TRAPPC2: variants seen among roughly 807,000 people sequenced by gnomAD.
The protein encoded by TRAPPC2 is trafficking protein particle complex subunit 2, also known as sedlin.
TRAPPC2 carries 4 observed loss-of-function variants against 10.0 expected under a neutral mutation model. That is an observed-to-expected ratio of 0.40 (90% CI 0.20 to 0.92). The LOEUF (loss-of-function observed/expected upper bound fraction) is 0.92, where lower values mean the gene tolerates loss of function less well. TRAPPC2 is among the 40% of genes least tolerant of loss of function. The pLI is 0.35. For missense variants in TRAPPC2, 52 were observed against 108.7 expected (o/e 0.48, Z 2.32); for synonymous variants, 36 against 37.3 (o/e 0.97, Z 0.12).
chrX:13,716,664 A>G lies in TRAPPC2; in HGVS notation c.108T>C (p.His36=), dbSNP rs747919707. The change falls in exon 4 of 6, where the codon CAT becomes CAC. Residue 36 remains histidine (H), a synonymous_variant. Transcript: ENST00000380579. ...GKAESKDDHR[H]LNQFIAHAAL... is the part of the protein sequence containing the mutation. ...CAGCATGAGCTATGAACTGGTTCAGATGACGATGGTCGTCCTAGATGACAG... is the reference window on the plus strand; with the variant it reads ...CAGCATGAGCTATGAACTGGTTCAGGTGACGATGGTCGTCCTAGATGACAG... 1.7e-6 allele frequency: 2 copies of G among 1,211,942 alleles called. No individual in the cohort carries two copies. Among genetic ancestry groups the G allele is most frequent in the Non-Finnish European group, 2.2e-6 (2 of 895,429 alleles).
intron 2 of TRAPPC2, among the ~76,000 whole-genome samples, chrX:13,723,642 A>C (rs1442624281): frequency 9.0e-6 from 1 of 111,721 alleles, no homozygotes; most frequent in African/African-American, 3.3e-5. Flanking sequence ...CCATCGCCTT[A>C]AATAGGGGCC....
intron 5 of TRAPPC2, chrX:13,715,531 A>G (rs1207548894): frequency 8.7e-6 from 1 of 115,183 alleles, no homozygotes; most frequent in Admixed American, 9.0e-5. Context: ...TTATTATTTT[A>G]TTTTTCAAAA....
intron 2 of TRAPPC2, among the ~76,000 whole-genome samples, chrX:13,732,519 G>C (rs1160543758): frequency 8.9e-6 from 1 of 112,888 alleles, no homozygotes. Context: ...ACTAAATGTG[G>C]TCACCAGGAA....
chrX:13,731,768 G>A (rs753591233), intron 2 of TRAPPC2, among the ~76,000 whole-genome samples: 2 of 112,255 alleles, frequency 1.8e-5, no homozygotes, highest in African/African-American at 6.5e-5. Flanking sequence ...AGGGTCTCTA[G>A]TAAGGCTTTG....
intron 2 of TRAPPC2, among the ~76,000 whole-genome samples, chrX:13,732,194 A>T (rs1255605292): frequency 8.9e-6 from 1 of 111,825 alleles, no homozygotes; most frequent in African/African-American, 3.3e-5. Flanking sequence ...GAAGGTACTC[A>T]GTTCTGGGAA....
rs1459833464 is a variant in TRAPPC2 at position 13,719,942 on chromosome X, C to T, written c.22G>A (p.Val8Ile). The change falls in exon 3 of 6, where the codon GTA becomes ATA. Residue 8 changes from valine (V) to isoleucine (I), a missense_variant. Coordinates refer to ENST00000380579, the MANE Select transcript of TRAPPC2 (RefSeq NM_001011658.4). MSGSFYF[V>I]IVGHHDNPVF... ...GGATTATCATGGTGGCCAACAATTA[C>T]AAAGTAGAAGCTCCCAGACATGGTC... 8.3e-7 allele frequency: 1 copy of T among 1,198,665 alleles called. No homozygotes were observed. Among genetic ancestry groups the T allele is most frequent in the East Asian group, 3.0e-5 (1 of 33,604 alleles).
chrX:13,723,050 G>A (rs1416934607), intron 2 of TRAPPC2, among the ~76,000 whole-genome samples: 7 of 102,184 alleles, frequency 6.9e-5, no homozygotes, highest in Non-Finnish European at 1.2e-4. Flanking sequence ...AGCCAAGATC[G>A]TGCCACTGCA....
chrX:13,720,323 G>A (rs1384932875), intron 2 of TRAPPC2: 1 of 127,646 alleles, frequency 7.8e-6, no homozygotes, highest in Non-Finnish European at 1.6e-5. Context: ...GGCTTCATTT[G>A]GACTGGACCA....
intron 2 of TRAPPC2, among the ~76,000 whole-genome samples, chrX:13,729,392 G>A (rs1215940754): frequency 1.2e-4 from 13 of 108,502 alleles, no homozygotes; most frequent in African/African-American, 2.3e-4. Flanking sequence ...TACTGGTACC[G>A]AAACAGATAT....
At chrX:13,721,309 A>G (rs185755279) in intron 2 of TRAPPC2, 17 of 112,540 alleles carry the variant, frequency 1.5e-4, no homozygotes, top group Admixed American at 1.5e-3. Context: ...CATCTGTTAA[A>G]TAGTGCTAAC....
chrX:13,724,416 AAAAGAG>A (rs1435534877), intron 2 of TRAPPC2, among the ~76,000 whole-genome samples: 19 of 109,404 alleles, frequency 1.7e-4, no homozygotes, highest in Non-Finnish European at 1.9e-4. Context: ...AAAAAAAAAA[AAAAGAG>A]GCTTTTTAGG....
intron 3 of TRAPPC2, among the ~76,000 whole-genome samples, chrX:13,717,860 G>C (rs745513925): frequency 2.7e-5 from 3 of 112,428 alleles, no homozygotes; most frequent in African/African-American, 9.7e-5. Flanking sequence ...TATGGAAAGA[G>C]GGTTGTTGCA....
chrX:13,726,452 AT>A (rs1181829514), intron 2 of TRAPPC2, among the ~76,000 whole-genome samples: 1 of 112,073 alleles, frequency 8.9e-6, no homozygotes, highest in Non-Finnish European at 1.9e-5. Context: ...GGGGGCCAAT[AT>A]TCAGCATTCT....
In TRAPPC2 at chrX:13,712,479, G is replaced by T. The variant is rs1459979437; in HGVS notation, c.*1928C>A. 5 of 112,446 alleles carry T rather than the reference G, an allele frequency of 4.4e-5. No individual in the cohort carries two copies. The highest frequency in any genetic ancestry group is 7.5e-5 in the Non-Finnish European group (4 of 53,298). The allele number at this position is 112,446 out of a possible 1,213,427, so 9.3% of individuals were successfully genotyped here. A position where few individuals can be genotyped will look rare whatever the true frequency, so the allele number is the denominator to read the frequency against. The stretch of plus-strand genomic sequence containing the variant: ...GAGACAATTCCCAGCCCCCTCTGGT[G>T]TATCACCTAAAAGACTGAATACAAA... On this transcript the variant is annotated 3_prime_UTR_variant, in exon 6 of 6. Coordinates refer to ENST00000380579, the MANE Select transcript of TRAPPC2 (RefSeq NM_001011658.4).
At position 13,719,966 on chromosome X, in the gene TRAPPC2, T is replaced by A. The variant is rs768670689; in HGVS notation, c.-3A>T. ...ACAAAGTAGAAGCTCCCAGACATGG[T>A]CTTCAATATATGGCTCCTAATTAAG... On this transcript the variant is annotated 5_prime_UTR_variant, in exon 3 of 6. Coordinates refer to ENST00000380579, the MANE Select transcript of TRAPPC2 (RefSeq NM_001011658.4). 1 of 1,174,041 alleles carries A rather than the reference T, an allele frequency of 8.5e-7. No homozygotes were observed. The highest frequency in any genetic ancestry group is 3.0e-5 in the East Asian group (1 of 33,186).
Position 13,716,634 on chromosome X carries a change from G to A in TRAPPC2, c.138C>T (p.Leu46=), listed in dbSNP as rs1291714037. ...HLNQFIAHAA[L]DLVDENMWLS... ...GCCACATGTTCTCATCTACGAGGTCGAGAGCAGCATGAGCTATGAACTGGT... is the reference window on the plus strand; with the variant it reads ...GCCACATGTTCTCATCTACGAGGTCAAGAGCAGCATGAGCTATGAACTGGT... Residue 46 remains leucine (L), a synonymous_variant, in exon 4 of 6, where the codon CTC becomes CTT. Coordinates refer to ENST00000380579, the MANE Select transcript of TRAPPC2 (RefSeq NM_001011658.4). 3.1e-5 allele frequency: 37 copies of A among 1,210,188 alleles called. No individual in the cohort carries two copies. Among genetic ancestry groups the A allele is most frequent in the South Asian group, 2.3e-4 (13 of 56,820 alleles).
chrX:13,716,234 G>A (rs1602708372), intron 4 of TRAPPC2, 145 bp from the exon 5 acceptor site: 3 of 696,554 alleles, frequency 4.3e-6, no homozygotes, highest in Non-Finnish European at 6.2e-6. Context: ...AATTAGCTTA[G>A]TTTTATCATA....
chrX:13,733,798 A>G (rs2046738043), intron 2 of TRAPPC2, among the ~76,000 whole-genome samples: 1 of 106,341 alleles, frequency 9.4e-6, no homozygotes, highest in Non-Finnish European at 1.9e-5. Context: ...CCTTCCTGTG[A>G]TGTTCTCCTT....
rs1474253260 is a variant in TRAPPC2 at position 13,714,388 on chromosome X, AT to A, written c.*18del. On this transcript the variant is annotated 3_prime_UTR_variant, in exon 6 of 6. Transcript: ENST00000380579. Reference sequence around the variant, plus strand: ...ATACACCATTGTGGTGACATCATTTATTTTGGAATTTTCTGCATTCAGCTTA... The same window carrying A: ...ATACACCATTGTGGTGACATCATTTATTTGGAATTTTCTGCATTCAGCTTA... 4 of 1,053,381 alleles carry A rather than the reference AT, an allele frequency of 3.8e-6. No individual in the cohort carries two copies. In the African/African-American group the frequency reaches 5.6e-5, roughly 15 times the overall value. 86.8% of individuals were successfully genotyped at this position (1,053,381 alleles called of 1,213,427 possible). A position where few individuals can be genotyped will look rare whatever the true frequency, so the allele number is the denominator to read the frequency against.
Sources: allele counts gnomAD v4.1 joint callset (sites outside exome capture counted in the v4.1 genomes callset), GRCh38; gene constraint gnomAD v4.1.1; transcripts MANE v1.5; gene names NCBI Gene and HGNC (gene_info 2026-07-23, HGNC 2026-07-21).